Variants in TRIM35 observed in about 807,000 individuals in gnomAD.
The protein encoded by TRIM35 is tripartite motif containing 35.
A neutral mutation model predicts 49.1 loss-of-function variants in TRIM35; 37 were observed. That is an observed-to-expected ratio of 0.75 (90% CI 0.58 to 0.99). The LOEUF is 0.99. TRIM35 is among the 50% of genes least tolerant of loss of function. The pLI is 0.00. For synonymous variants in TRIM35, 302 were observed against 289.3 expected, an observed-to-expected ratio of 1.04 and a Z score of -0.45; for missense variants, 648 against 702.7, an observed-to-expected ratio of 0.92 and a Z score of 0.88.
chr8:27,289,322 T>C (rs756748103), intron 4 of TRIM35, 42 bp from the exon 5 acceptor site: 5 of 1,571,182 alleles, frequency 3.2e-6, no homozygotes, highest in African/African-American at 1.4e-5. Flanking sequence ...GCCAGAGCCA[T>C]GCAACCTGGG....
intron 2 of TRIM35, among the ~76,000 whole-genome samples, chr8:27,295,770 T>A (rs980664346): frequency 6.6e-6 from 1 of 152,178 alleles, no homozygotes; most frequent in African/African-American, 2.4e-5. Context: ...CCAGGGACTG[T>A]GTGTATGTTT....
At chr8:27,308,292 A>G (rs961603262) in intron 1 of TRIM35, among the ~76,000 whole-genome samples, 4 of 152,262 alleles carry the variant, frequency 2.6e-5, no homozygotes, top group Non-Finnish European at 5.9e-5. Flanking sequence ...AAATTTGTTG[A>G]CGTGTGAACA....
At chr8:27,294,346 G>A (rs1802523644) in intron 2 of TRIM35, 36 bp from the exon 3 acceptor site, 1 of 1,588,648 alleles carries the variant, frequency 6.3e-7, no homozygotes, top group African/African-American at 1.3e-5. Flanking sequence ...GGGGTCAGAT[G>A]TGGAGAGGAC....
chr8:27,289,861 C>A (rs1802416681), intron 4 of TRIM35, among the ~76,000 whole-genome samples: 1 of 152,220 alleles, frequency 6.6e-6, no homozygotes, highest in Admixed American at 6.5e-5. Context: ...CATTGACTGG[C>A]CCCGAGAAAT....
intron 1 of TRIM35, among the ~76,000 whole-genome samples, chr8:27,302,689 TA>T (rs1032198391): frequency 2.0e-5 from 3 of 152,216 alleles, no homozygotes; most frequent in Non-Finnish European, 2.9e-5. Flanking sequence ...ATTACAGGTG[TA>T]AAACTCCCTG....
intron 1 of TRIM35, among the ~76,000 whole-genome samples, chr8:27,299,801 G>A (rs1802647059): frequency 1.3e-5 from 2 of 152,172 alleles, no homozygotes; most frequent in Non-Finnish European, 2.9e-5. Context: ...TTGGGAGAGG[G>A]CCAGTGCATT....
In TRIM35 at chr8:27,304,985, C is replaced by T. The variant is rs140321136; in HGVS notation, c.435+5816G>A. ...GGCACCTGGCCGACCAGGTTCAAAT[C>T]CCAGCACCTCTACCTAGTAGCAGGT... On this transcript the variant is annotated intron_variant, in intron 1 of 5. Transcript: ENST00000305364. The T allele has an allele frequency of 3.6e-5, 13 of 364,598 alleles. No homozygotes were observed. In the East Asian group the frequency reaches 9.6e-4, roughly 27 times the overall value. The allele number at this position is 364,598 out of a possible 1,614,324, so 22.6% of individuals were successfully genotyped here.
chr8:27,304,463 G>A (rs1032580448), intron 1 of TRIM35, among the ~76,000 whole-genome samples: 2 of 152,076 alleles, frequency 1.3e-5, no homozygotes, highest in African/African-American at 4.8e-5. Flanking sequence ...GAAGCCCCCC[G>A]ATCTTGCCAG....
rs1307036808 is a variant in TRIM35 at position 27,287,445 on chromosome 8, G to A, written c.*105C>T. 19 of 1,215,730 alleles carry A rather than the reference G, an allele frequency of 1.6e-5. No individual in the cohort carries two copies. The highest frequency in any genetic ancestry group is 2.7e-4 in the Middle Eastern group (1 of 3,750). 75.3% of individuals were successfully genotyped at this position (1,215,730 alleles called of 1,614,324 possible). A position where few individuals can be genotyped will look rare whatever the true frequency, so the allele number is the denominator to read the frequency against. On this transcript the variant is annotated 3_prime_UTR_variant, in exon 6 of 6. Coordinates refer to ENST00000305364, the MANE Select transcript of TRIM35 (RefSeq NM_171982.5). This position sits in a 1 kb window ranked among gnomAD's most constrained non-coding sequence, Gnocchi z 6.0. ...CCAGGCAGGACAGGAGGAAGAGCCT[G>A]GCAAGGAGGCAGGGGCGCAATAGTG...
At chr8:27,298,374 G>A (rs981658886) in intron 2 of TRIM35, 90 bp downstream of exon 2, 8 of 1,302,800 alleles carry the variant, frequency 6.1e-6, no homozygotes, top group African/African-American at 4.3e-5. Context: ...CGGGTTATGT[G>A]AGCCAAAGCC....
chr8:27,311,208 CG>C lies in TRIM35; in HGVS notation c.27del (p.Pro11LeufsTer35). On this transcript the variant is annotated frameshift_variant, in exon 1 of 6. Transcript: ENST00000305364. LOFTEE classifies it high-confidence loss of function. MERSPDVS[P>X]GPSRSFKEEL... ...TCCTCCTTGAAGGAGCGGGAAGGCC[CG>C]GGGGACACGTCGGGACTCCGCTCCA... is the stretch of plus-strand genomic sequence containing the variant. 2.5e-6 allele frequency: 4 copies of C among 1,586,610 alleles called. No individual in the cohort carries two copies. The highest frequency in any genetic ancestry group is 1.7e-5 in the Admixed American group (1 of 57,928).
intron 2 of TRIM35, among the ~76,000 whole-genome samples, chr8:27,295,104 G>A (rs1219988632): frequency 3.3e-5 from 5 of 152,162 alleles, no homozygotes; most frequent in South Asian, 4.1e-4. Flanking sequence ...GATTACAAGC[G>A]TGAGCCACTG....
At position 27,298,514 on chromosome 8, in the gene TRIM35, C is replaced by T. The variant is rs778809602; in HGVS notation, c.481G>A (p.Ala161Thr). Residue 161 changes from alanine to threonine, a missense_variant, in exon 2 of 6, where the codon GCC (alanine) becomes ACC (threonine). Physicochemically the swap from Ala to Thr is moderately conservative, Grantham distance 58. Transcript: ENST00000305364. ...MEHALREKAK[A>T]FWAMRRSYEA... Reference sequence around the variant, plus strand: ...TAGGAGCGCCGCATGGCCCAGAAGGCCTTGGCCTTCTCCCGCAGTGCATGC... The same window carrying T: ...TAGGAGCGCCGCATGGCCCAGAAGGTCTTGGCCTTCTCCCGCAGTGCATGC... 1.2e-6 allele frequency: 2 copies of T among 1,614,244 alleles called. No individual in the cohort carries two copies. Among genetic ancestry groups the T allele is most frequent in the Non-Finnish European group, 1.7e-6 (2 of 1,180,054 alleles).
rs1802376867 is a variant in TRIM35, at chr8:27,288,119, T to C, written c.913A>G (p.Ser305Gly). 1.2e-6 allele frequency: 2 copies of C among 1,603,174 alleles called. No homozygotes were observed. Among genetic ancestry groups the C allele is most frequent in the Non-Finnish European group, 1.7e-6 (2 of 1,178,290 alleles). The change falls in exon 6 of 6, where the codon AGC becomes GGC. Residue 305 changes from serine (S) to glycine (G), a missense_variant. Physicochemically the swap from Ser to Gly is moderately conservative, Grantham distance 56. Coordinates refer to ENST00000305364, the MANE Select transcript of TRIM35 (RefSeq NM_171982.5). ...MLASVESVPF[S>G]FDPNTAAGWL... is the part of the protein sequence containing the mutation. The stretch of plus-strand genomic sequence containing the variant: ...CCAGCTGCGGTGTTGGGGTCAAAGC[T>C]GAAGGGTACTGCAAGCAGAGGCGGA...
intron 3 of TRIM35, among the ~76,000 whole-genome samples, chr8:27,293,859 A>C (rs1359518931): frequency 6.6e-6 from 1 of 152,094 alleles, no homozygotes; most frequent in Non-Finnish European, 1.5e-5. Flanking sequence ...TCTCTAAAAA[A>C]AAGAAGAGCG....
chr8:27,298,634 AT>A (rs371405291), intron 1 of TRIM35, 75 bp from the exon 2 acceptor site: 2 of 1,207,872 alleles, frequency 1.7e-6, no homozygotes, highest in African/African-American at 1.5e-5. Flanking sequence ...GACACATCAC[AT>A]TTACAACTGG....
chr8:27,287,678 T>G lies in TRIM35; in HGVS notation c.1354A>C (p.Thr452Pro). Residue 452 changes from threonine to proline, a missense_variant, in exon 6 of 6, where the codon ACC (threonine) becomes CCC (proline). Transcript: ENST00000305364. This position sits in a 1 kb window ranked among gnomAD's most constrained non-coding sequence, Gnocchi z 6.0. ...YDAERHCHLY[T>P]FHARFGEVRP... is the part of the protein sequence containing the mutation. ...ACCTCCCCAAAGCGGGCGTGGAAGG[T>G]GTACAGGTGGCAGTGGCGCTCCGCG... 1 of 1,610,076 alleles carries G rather than the reference T, an allele frequency of 6.2e-7. No homozygotes were observed. Among genetic ancestry groups the G allele is most frequent in the Non-Finnish European group, 8.5e-7 (1 of 1,178,504 alleles).
At chr8:27,308,191 TAA>T (rs149181701) in intron 1 of TRIM35, among the ~76,000 whole-genome samples, 8,354 of 152,192 alleles carry the variant, frequency 0.055, 744 homozygotes, top group African/African-American at 0.19. Flanking sequence ...TCCAGAACCA[TAA>T]GAGAACAAAC....
At position 27,311,075 on chromosome 8, in the gene TRIM35, G is replaced by A; in HGVS notation, c.161C>T (p.Ser54Leu). ...GTCTTTGCACACTGGGCAGGTGGGC[G>A]ACACCTGCACCTCCCAGCAGCGGCT... ...CVSRCWEVQV[S>L]PTCPVCKDRA... Residue 54 changes from serine to leucine, a missense_variant, in exon 1 of 6, where the codon TCG (serine) becomes TTG (leucine). By Grantham distance (145) the Ser-to-Leu change is moderately radical. Coordinates refer to ENST00000305364, the MANE Select transcript of TRIM35 (RefSeq NM_171982.5). 1 of 1,596,492 alleles carries A rather than the reference G, an allele frequency of 6.3e-7. No homozygotes were observed. The highest frequency in any genetic ancestry group is 8.5e-7 in the Non-Finnish European group (1 of 1,172,524).
Sources: allele counts gnomAD v4.1 joint callset (sites outside exome capture counted in the v4.1 genomes callset), GRCh38; gene constraint gnomAD v4.1.1; non-coding constraint Gnocchi (gnomAD v3.1); transcripts MANE v1.5; gene names NCBI Gene and HGNC (gene_info 2026-07-23, HGNC 2026-07-21).